Variants in CSMD1 observed in about 807,000 individuals in gnomAD.
CSMD1 encodes the protein CUB and Sushi multiple domains 1.
A neutral mutation model predicts 417.5 loss-of-function variants in CSMD1; 213 were observed. The observed-to-expected ratio is 0.51, with a 90% CI of 0.46 to 0.57. The LOEUF is 0.57. Among genes scored for constraint, CSMD1 ranks in the 20% least tolerant of loss-of-function variants. The probability of loss-of-function intolerance (pLI) is 0.00; values close to 1 mark genes in which losing one functional copy is unlikely to be tolerated. For missense variants in CSMD1, 6,923 were observed against 4,529.7 expected, an observed-to-expected ratio of 1.53 and a Z score of -15.17; for synonymous variants, 2,862 against 1,736.8, an observed-to-expected ratio of 1.65 and a Z score of -16.11.
chr8:3,075,965 G>A (rs1585286531), intron 49 of CSMD1, among the ~76,000 whole-genome samples: 1 of 151,660 alleles, frequency 6.6e-6, no homozygotes, highest in South Asian at 2.1e-4. Flanking sequence ...GCAGGAGAAT[G>A]GCATGAACCT....
chr8:4,453,814 C>CTT (rs60422486), intron 2 of CSMD1, among the ~76,000 whole-genome samples: 13,423 of 67,440 alleles, frequency 0.2, 2,487 homozygotes, highest in Middle Eastern at 0.26. Context: ...CAATTCGTTT[C>CTT]TTTTTTTTTT....
intron 7 of CSMD1, among the ~76,000 whole-genome samples, chr8:3,656,834 T>A (rs1421895075): frequency 1.3e-5 from 2 of 151,544 alleles, no homozygotes; most frequent in Non-Finnish European, 1.5e-5. Context: ...CTGAGGCAGA[T>A]GAATAGCTTG....
intron 1 of CSMD1, among the ~76,000 whole-genome samples, chr8:4,789,980 C>A (rs1039620246): frequency 6.6e-6 from 1 of 152,132 alleles, no homozygotes; most frequent in South Asian, 2.1e-4. Context: ...TCTCTCTTCC[C>A]TTCATGTGCA....
chr8:3,596,097 G>C (rs112863882), intron 8 of CSMD1, among the ~76,000 whole-genome samples: 25 of 152,306 alleles, frequency 1.6e-4, no homozygotes, highest in African/African-American at 5.5e-4. Context: ...TAGACCAAAA[G>C]GCGTTTTGCG....
At chr8:4,399,207 G>A (rs929495983) in intron 3 of CSMD1, among the ~76,000 whole-genome samples, 1 of 152,142 alleles carries the variant, frequency 6.6e-6, no homozygotes, top group Non-Finnish European at 1.5e-5. Flanking sequence ...AATTTACTAT[G>A]TGTTTAAATA....
intron 2 of CSMD1, among the ~76,000 whole-genome samples, chr8:4,486,230 CATATATATATAT>C (rs1207101853): frequency 2.4e-4 from 4 of 16,462 alleles, no homozygotes; most frequent in African/African-American, 7.5e-4. Context: ...TATATACATA[CATATATATATAT>C]ATACATACAT....
At chr8:3,876,652 T>C (rs1203278444) in intron 5 of CSMD1, among the ~76,000 whole-genome samples, 1 of 152,200 alleles carries the variant, frequency 6.6e-6, no homozygotes, top group East Asian at 1.9e-4. Flanking sequence ...CTCTGTTGCC[T>C]GGGGTGAAGT....
chr8:3,018,667 T>G lies in CSMD1; in HGVS notation c.7856-17A>C. 2 of 1,602,922 alleles carry G rather than the reference T, an allele frequency of 1.2e-6. No homozygotes were observed. The highest frequency in any genetic ancestry group is 2.2e-5 in the South Asian group (2 of 90,548). On this transcript the variant is annotated splice_polypyrimidine_tract_variant and intron_variant, in intron 51 of 69. Transcript: ENST00000635120. ...ACGAGATAACTAGAAGGAAAAACAA[T>G]AAAATGAACATCAATTCAGTTATGC...
intron 1 of CSMD1, among the ~76,000 whole-genome samples, chr8:4,928,023 G>A (rs1007601969): frequency 6.6e-6 from 1 of 152,272 alleles, no homozygotes; most frequent in East Asian, 1.9e-4. Context: ...AGCGGCAAAA[G>A]TAGAAATCCT....
intron 3 of CSMD1, among the ~76,000 whole-genome samples, chr8:4,170,054 C>A (rs967275434): frequency 2.0e-5 from 3 of 151,778 alleles, no homozygotes; most frequent in Non-Finnish European, 2.9e-5. Context: ...ATACTCAAAA[C>A]CTCTAGGTAA....
chr8:3,047,617 C>G (rs954110466), intron 50 of CSMD1, among the ~76,000 whole-genome samples: 2 of 152,168 alleles, frequency 1.3e-5, no homozygotes, highest in Non-Finnish European at 2.9e-5. Flanking sequence ...TTTGTTTGCT[C>G]CCGTCTTTTC....
intron 8 of CSMD1, among the ~76,000 whole-genome samples, chr8:3,601,573 A>T (rs752588974): frequency 6.6e-6 from 1 of 152,162 alleles, no homozygotes; most frequent in Non-Finnish European, 1.5e-5. Flanking sequence ...AGTTACCTAC[A>T]CTAGTCACCA....
intron 2 of CSMD1, among the ~76,000 whole-genome samples, chr8:4,600,280 T>G (rs1328050173): frequency 6.6e-6 from 1 of 152,294 alleles, no homozygotes; most frequent in South Asian, 2.1e-4. Context: ...GACTTCCAGG[T>G]TGACCTTAGG....
At position 3,181,147 on chromosome 8, in the gene CSMD1, A is replaced by C. The variant is rs776490606; in HGVS notation, c.5688T>G (p.Ile1896Met). Residue 1896 changes from isoleucine to methionine, a missense_variant, in exon 37 of 70, where the codon ATT becomes ATG. Transcript: ENST00000635120. ...NQLYLHFQSD[I>M]SVAAAGFHLE... ...GGTGGAAACCAGCAGCTGCCACACT[A>C]ATGTCAGACTGGAAATGCAGGTAGA... 1.2e-6 allele frequency: 2 copies of C among 1,613,876 alleles called. No homozygotes were observed. The highest frequency in any genetic ancestry group is 8.5e-7 in the Non-Finnish European group (1 of 1,179,822).
At chr8:3,422,777 C>G (rs1473513516) in intron 12 of CSMD1, among the ~76,000 whole-genome samples, 2 of 152,104 alleles carry the variant, frequency 1.3e-5, no homozygotes, top group Non-Finnish European at 2.9e-5. Context: ...AAATGTATTT[C>G]TCATGGTTCA....
rs117889402 is a variant in CSMD1 at position 4,547,026 on chromosome 8, T to A, written c.302+90316A>T. Among the ~76,000 whole-genome samples, 1,371 of 152,250 alleles carry A rather than the reference T, an allele frequency of 9.0e-3. 13 individuals carry two copies. The highest frequency in any genetic ancestry group is 0.024 in the Middle Eastern group (7 of 294). On this transcript the variant is annotated intron_variant, in intron 2 of 69. Coordinates refer to ENST00000635120, the MANE Select transcript of CSMD1 (RefSeq NM_033225.6). ...TATCTATAATTCATACCCAGACATC[T>A]TCTTTGAGCTCCAAATTCATACATC...
At chr8:3,892,243 T>G (rs2129127910) in intron 5 of CSMD1, among the ~76,000 whole-genome samples, 1 of 152,296 alleles carries the variant, frequency 6.6e-6, no homozygotes, top group Non-Finnish European at 1.5e-5. Context: ...AAGCATTTAC[T>G]CAGATACCTG....
At chr8:4,630,331 T>A (rs907272900) in intron 2 of CSMD1, among the ~76,000 whole-genome samples, 6 of 151,852 alleles carry the variant, frequency 4.0e-5, no homozygotes, top group Middle Eastern at 3.4e-3. Flanking sequence ...CAACTAAGGC[T>A]GCATAATAAT....
At chr8:4,710,573 C>A (rs1485796717) in intron 1 of CSMD1, among the ~76,000 whole-genome samples, 1 of 150,730 alleles carries the variant, frequency 6.6e-6, no homozygotes, top group Admixed American at 6.6e-5. Flanking sequence ...CTTCTGGGTG[C>A]GGTGGCTCAC....
Sources: gnomAD v4.1 joint callset for allele counts (sites outside exome capture counted in the v4.1 genomes callset) on GRCh38, gnomAD v4.1.1 for gene constraint, MANE v1.5 for transcripts, NCBI Gene and HGNC (gene_info 2026-07-23, HGNC 2026-07-21) for gene names.